UNC5C: variants seen among roughly 807,000 people sequenced by gnomAD.
UNC5C encodes the protein netrin receptor UNC5C.
In UNC5C, 47 loss-of-function variants were observed where a neutral mutation model predicts 99.8. The ratio of observed to expected loss-of-function variants is 0.47; its 90% CI spans 0.37 to 0.60. UNC5C has a LOEUF of 0.60. UNC5C is among the 20% of genes least tolerant of loss of function. The pLI is 0.00. For missense variants in UNC5C, 1,062 were observed against 1,165.9 expected (o/e 0.91, Z 1.30); for synonymous variants, 487 against 452.2 (o/e 1.08, Z -0.98).
At chr4:95,365,768 A>G (rs1012811254) in intron 1 of UNC5C, among the ~76,000 whole-genome samples, 1 of 152,182 alleles carries the variant, frequency 6.6e-6, no homozygotes, top group African/African-American at 2.4e-5. Context: ...CATTAAAGTA[A>G]GTACAATAGC....
rs200814959 is a variant in UNC5C, at chr4:95,242,539, G to T, written c.998C>A (p.Thr333Asn). Reference protein sequence around the residue: ...SKWSTCGTECTHWRRRECTAP... With the variant: ...SKWSTCGTECNHWRRRECTAP... The stretch of plus-strand genomic sequence containing the variant: ...CGTGCACTCCCTCCTGCGCCAGTGG[G>T]TGCACTCAGTTCCACAAGTAGACCA... Residue 333 changes from threonine to asparagine, a missense_variant, in exon 7 of 16, where the codon ACC (threonine) becomes AAC (asparagine). Physicochemically the swap from Thr to Asn is moderately conservative, Grantham distance 65. Around this residue, in one of 3 missense-constraint regions of UNC5C, gnomAD observed 810 missense variants for 854.5 expected, o/e 0.95. Transcript: ENST00000453304. 1 of 1,610,902 alleles carries T rather than the reference G, an allele frequency of 6.2e-7. No individual in the cohort carries two copies. Among genetic ancestry groups the T allele is most frequent in the Admixed American group, 1.7e-5 (1 of 59,596 alleles).
chr4:95,420,500 C>A (rs1746286191), intron 1 of UNC5C, among the ~76,000 whole-genome samples: 2 of 152,098 alleles, frequency 1.3e-5, no homozygotes, highest in South Asian at 4.1e-4. Context: ...AAACCTTATG[C>A]AACTATGTTT....
At chr4:95,418,120 G>A (rs1229584031) in intron 1 of UNC5C, among the ~76,000 whole-genome samples, 1 of 152,196 alleles carries the variant, frequency 6.6e-6, no homozygotes, top group African/African-American at 2.4e-5. Context: ...AGAATGGGTT[G>A]CTTCTTCCAA....
At chr4:95,467,385 CAT>C (rs1361317964) in intron 1 of UNC5C, among the ~76,000 whole-genome samples, 3 of 151,964 alleles carry the variant, frequency 2.0e-5, no homozygotes, top group African/African-American at 7.2e-5. Flanking sequence ...GAGAGAGAAA[CAT>C]ATAAAGATCA....
intron 3 of UNC5C, among the ~76,000 whole-genome samples, chr4:95,282,920 G>C (rs938529874): frequency 3.3e-5 from 5 of 152,094 alleles, no homozygotes; most frequent in African/African-American, 1.2e-4. Flanking sequence ...CTCGCCTCGG[G>C]GGAAGAGGGA....
intron 1 of UNC5C, among the ~76,000 whole-genome samples, chr4:95,492,853 C>T (rs1044756065): frequency 2.0e-4 from 30 of 151,332 alleles, no homozygotes; most frequent in Non-Finnish European, 4.1e-4. Flanking sequence ...GTCATTTTCA[C>T]CTAGGTATTA....
intron 14 of UNC5C, among the ~76,000 whole-genome samples, chr4:95,179,660 T>G (rs749084578): frequency 7.3e-5 from 11 of 151,408 alleles, no homozygotes; most frequent in South Asian, 2.1e-4. Context: ...GGCAGGAGAA[T>G]TGTTTGAACC....
chr4:95,539,408 G>A (rs1722861067), intron 1 of UNC5C, among the ~76,000 whole-genome samples: 1 of 152,122 alleles, frequency 6.6e-6, no homozygotes, highest in Non-Finnish European at 1.5e-5. Context: ...TGGAAACTGG[G>A]GAAATGACTT....
At chr4:95,258,702 G>T in intron 4 of UNC5C, among the ~76,000 whole-genome samples, 1 of 128,816 alleles carries the variant, frequency 7.8e-6, no homozygotes, top group African/African-American at 2.8e-5. Flanking sequence ...TTCTGCTGTT[G>T]TTTGGTGTTA....
intron 4 of UNC5C, among the ~76,000 whole-genome samples, chr4:95,259,994 C>T (rs759680720): frequency 9.2e-5 from 14 of 152,094 alleles, no homozygotes; most frequent in Admixed American, 2.0e-4. Flanking sequence ...GCTTCAACAC[C>T]CTTATCCATG....
chr4:95,420,720 C>A (rs1746295048), intron 1 of UNC5C, among the ~76,000 whole-genome samples: 2 of 152,032 alleles, frequency 1.3e-5, no homozygotes, highest in African/African-American at 4.8e-5. Context: ...GCATCTGTGG[C>A]TGAATACACC....
chr4:95,227,668 A>G (rs1738750190), intron 7 of UNC5C, among the ~76,000 whole-genome samples: 1 of 152,184 alleles, frequency 6.6e-6, no homozygotes, highest in African/African-American at 2.4e-5. Context: ...TTATCTCAGG[A>G]GATTGTCTCA....
chr4:95,476,522 GT>G (rs1354280673), intron 1 of UNC5C, among the ~76,000 whole-genome samples: 1 of 151,882 alleles, frequency 6.6e-6, no homozygotes, highest in Non-Finnish European at 1.5e-5. Context: ...GTGTCCTTTA[GT>G]TTTTTTCGGA....
intron 7 of UNC5C, among the ~76,000 whole-genome samples, chr4:95,240,674 G>A (rs558078584): frequency 1.1e-4 from 17 of 152,164 alleles, no homozygotes; most frequent in African/African-American, 4.1e-4. Flanking sequence ...TCCTCCTATA[G>A]CCTCATTCCT....
intron 3 of UNC5C, among the ~76,000 whole-genome samples, chr4:95,288,372 C>T (rs529303020): frequency 2.6e-5 from 4 of 152,174 alleles, no homozygotes; most frequent in Admixed American, 6.5e-5. Context: ...CGTGAGCCAC[C>T]GTGCCCAGCA....
chr4:95,224,683 G>A (rs1034406193), intron 7 of UNC5C, among the ~76,000 whole-genome samples: 2 of 152,008 alleles, frequency 1.3e-5, no homozygotes, highest in African/African-American at 4.8e-5. Flanking sequence ...GGGTTCTGTT[G>A]TAGACATGGG....
intron 1 of UNC5C, among the ~76,000 whole-genome samples, chr4:95,465,776 C>CA (rs1331221919): frequency 6.6e-6 from 1 of 152,148 alleles, no homozygotes; most frequent in African/African-American, 2.4e-5. Flanking sequence ...TGGATTTGCA[C>CA]ATGCTATTTC....
At chr4:95,195,627 T>G (rs3796459) in intron 12 of UNC5C, among the ~76,000 whole-genome samples, 116,043 of 151,924 alleles carry the variant, frequency 0.76, 44,615 homozygotes, top group Middle Eastern at 0.88. Flanking sequence ...CAGTGAGGAA[T>G]GTGACAGGTA....
Position 95,242,480 on chromosome 4 carries a change from C to G in UNC5C, c.1057G>C (p.Asp353His), listed in dbSNP as rs145155041. The G allele has an allele frequency of 6.2e-7, 1 of 1,614,086 alleles. No individual in the cohort carries two copies. The highest frequency in any genetic ancestry group is 8.5e-7 in the Non-Finnish European group (1 of 1,179,976). ...TTCTTGGATTGCAAGACGAGGCCGT[C>G]GCAGTCCTTGCCTCCATTCTTGGGG... ...PAPKNGGKDCDGLVLQSKNCT... is the reference protein window; with the variant it reads ...PAPKNGGKDCHGLVLQSKNCT... The change falls in exon 7 of 16, where the codon GAC becomes CAC. Residue 353 changes from aspartate (D) to histidine (H), a missense_variant. By Grantham distance (81) the Asp-to-His change is moderately conservative. Transcript: ENST00000453304.
Sources: gnomAD v4.1 joint callset for allele counts (sites outside exome capture counted in the v4.1 genomes callset) on GRCh38, gnomAD v4.1.1 for gene constraint, gnomAD v4.1.1 regional missense constraint, MANE v1.5 for transcripts, NCBI Gene and HGNC (gene_info 2026-07-23, HGNC 2026-07-21) for gene names.